Variants in KLF12 observed in about 807,000 individuals in gnomAD.
The protein encoded by KLF12 is Krueppel-like factor 12.
A neutral mutation model predicts 37.8 loss-of-function variants in KLF12; 9 were observed. The observed-to-expected ratio is 0.24, with a 90% CI of 0.14 to 0.42. The LOEUF (loss-of-function observed/expected upper bound fraction) is 0.42, where lower values mean the gene tolerates loss of function less well. KLF12 is among the 10% of genes least tolerant of loss of function. The pLI is 1.00. For missense variants in KLF12, 411 were observed against 516.0 expected, an observed-to-expected ratio of 0.80 and a Z score of 1.97; for synonymous variants, 208 against 202.1, an observed-to-expected ratio of 1.03 and a Z score of -0.25.
chr13:73,814,374 C>G (rs147687469), intron 4 of KLF12, among the ~76,000 whole-genome samples: 274 of 152,208 alleles, frequency 1.8e-3, no homozygotes, highest in African/African-American at 6.2e-3. Context: ...TACATTACAC[C>G]GAACCACATG....
At chr13:73,699,267 C>G (rs1874373662) in intron 7 of KLF12, among the ~76,000 whole-genome samples, 1 of 148,460 alleles carries the variant, frequency 6.7e-6, no homozygotes, top group Non-Finnish European at 1.5e-5. Flanking sequence ...CATCTGCAGC[C>G]CCAGCGATTC....
chr13:74,193,206 C>A, the KLF12 span, among the ~76,000 whole-genome samples: 1 of 152,104 alleles, frequency 6.6e-6, no homozygotes, highest in Non-Finnish European at 1.5e-5. Flanking sequence ...TCTCGAACTC[C>A]TGACCTCAAG....
chr13:73,717,571 C>T (rs1471031782), intron 6 of KLF12, among the ~76,000 whole-genome samples: 1 of 152,230 alleles, frequency 6.6e-6, no homozygotes, highest in Non-Finnish European at 1.5e-5. Flanking sequence ...ACAAAGCTTT[C>T]TGTTAGGTAA....
the KLF12 span, among the ~76,000 whole-genome samples, chr13:74,270,440 A>G: frequency 6.6e-6 from 1 of 152,212 alleles, no homozygotes; most frequent in Non-Finnish European, 1.5e-5. Context: ...AGAAACCTCA[A>G]TAAAAGTTGT....
At chr13:74,029,299 G>GT (rs1198637157) in intron 1 of KLF12, among the ~76,000 whole-genome samples, 2 of 152,062 alleles carry the variant, frequency 1.3e-5, no homozygotes, top group East Asian at 1.9e-4. Flanking sequence ...TTCCTCAGTT[G>GT]TTTTTTTATC....
intron 1 of KLF12, among the ~76,000 whole-genome samples, chr13:74,131,866 G>A (rs1285468018): frequency 6.6e-6 from 1 of 151,616 alleles, no homozygotes; most frequent in Non-Finnish European, 1.5e-5. Context: ...ATTTTTATAT[G>A]CTCAAATTGC....
Position 74,082,207 on chromosome 13 carries a change from C to T in KLF12, c.-32+51532G>A, listed in dbSNP as rs544635748. On this transcript the variant is annotated intron_variant, in intron 1 of 7. Coordinates refer to ENST00000377669, the MANE Select transcript of KLF12 (RefSeq NM_007249.5). ...AGTTAGCCAGGTGTGGTGGTGCGTA[C>T]CTGTAATCCCAGCTACTTGGGAGGC... Among the ~76,000 whole-genome samples the T allele has an allele frequency of 1.7e-3, 247 of 146,608 alleles. 2 individuals carry two copies. Among genetic ancestry groups the T allele is most frequent in the African/African-American group, 5.8e-3 (227 of 39,140 alleles).
At chr13:73,774,321 T>C (rs879423081) in intron 5 of KLF12, among the ~76,000 whole-genome samples, 1 of 151,186 alleles carries the variant, frequency 6.6e-6, no homozygotes, top group Non-Finnish European at 1.5e-5. Context: ...TATATATATA[T>C]AGATTATACA....
intron 1 of KLF12, among the ~76,000 whole-genome samples, chr13:74,085,720 C>T (rs1006697865): frequency 1.3e-5 from 2 of 152,162 alleles, no homozygotes; most frequent in East Asian, 3.9e-4. Context: ...TGATTGTGCA[C>T]CAATTCCTGG....
At chr13:73,849,379 A>C (rs902511483) in intron 3 of KLF12, among the ~76,000 whole-genome samples, 2,267 of 37,560 alleles carry the variant, frequency 0.06, 50 homozygotes, top group South Asian at 0.086. Context: ...ACTCCATAAA[A>C]AAAAAAAAAA....
intron 6 of KLF12, among the ~76,000 whole-genome samples, chr13:73,725,361 A>G (rs1876583630): frequency 6.6e-6 from 1 of 152,162 alleles, no homozygotes; most frequent in African/African-American, 2.4e-5. Context: ...TGGCCTCCCA[A>G]AGTGCTGGGA....
At chr13:74,154,127 A>T in the KLF12 span, among the ~76,000 whole-genome samples, 1 of 151,802 alleles carries the variant, frequency 6.6e-6, no homozygotes, top group Admixed American at 6.6e-5. Flanking sequence ...CCCAGCTACC[A>T]GGGAGGCTGA....
chr13:73,980,092 A>G (rs1296959151), intron 2 of KLF12, among the ~76,000 whole-genome samples: 1 of 152,176 alleles, frequency 6.6e-6, no homozygotes, highest in African/African-American at 2.4e-5. Context: ...TAAGTCATGA[A>G]ATCTGTGGTA....
chr13:74,044,212 G>A (rs926799717), intron 1 of KLF12, among the ~76,000 whole-genome samples: 5 of 151,972 alleles, frequency 3.3e-5, no homozygotes, highest in East Asian at 1.9e-4. Context: ...GACCACAACC[G>A]CCCCACCCTC....
At chr13:74,017,232 G>C (rs535563607) in intron 1 of KLF12, among the ~76,000 whole-genome samples, 2 of 38,626 alleles carry the variant, frequency 5.2e-5, no homozygotes, top group South Asian at 1.7e-3. Flanking sequence ...AACTAAAAAT[G>C]AGCGAATAAA....
chr13:74,244,222 G>T, the KLF12 span, among the ~76,000 whole-genome samples: 3 of 152,250 alleles, frequency 2.0e-5, no homozygotes, highest in South Asian at 2.1e-4. Context: ...TCCAGTCTTT[G>T]ATCCATATGT....
At chr13:74,131,591 A>AT (rs1230819734) in intron 1 of KLF12, among the ~76,000 whole-genome samples, 1 of 152,126 alleles carries the variant, frequency 6.6e-6, no homozygotes. Flanking sequence ...TAGCACAACA[A>AT]TTTTTTTCAA....
At chr13:74,169,422 T>C in the KLF12 span, among the ~76,000 whole-genome samples, 4 of 152,226 alleles carry the variant, frequency 2.6e-5, no homozygotes, top group African/African-American at 9.6e-5. Context: ...TATTAAACAA[T>C]TGCAGAGCTA....
chr13:73,957,936 T>C (rs1593781579), intron 2 of KLF12, among the ~76,000 whole-genome samples: 1 of 152,222 alleles, frequency 6.6e-6, no homozygotes, highest in South Asian at 2.1e-4. Context: ...AAGATCGTAC[T>C]GTTGATTCAC....
Sources: gnomAD v4.1 joint callset for allele counts (sites outside exome capture counted in the v4.1 genomes callset) on GRCh38, gnomAD v4.1.1 for gene constraint, MANE v1.5 for transcripts, NCBI Gene and HGNC (gene_info 2026-07-23, HGNC 2026-07-21) for gene names.